Variants in SPRED2 observed in about 807,000 individuals in gnomAD.
The protein encoded by SPRED2 is sprouty-related, EVH1 domain-containing protein 2.
Under a neutral mutation model 43.0 loss-of-function variants are expected in SPRED2, and 47 were observed. The observed-to-expected ratio is 1.09, with a 90% CI of 0.87 to 1.40. The LOEUF (loss-of-function observed/expected upper bound fraction) is 1.40, where lower values mean the gene tolerates loss of function less well. Ranked by LOEUF, SPRED2 falls within the 40% of genes most tolerant of loss-of-function variation. SPRED2 has a pLI of 0.00. For missense variants in SPRED2, 561 were observed against 586.4 expected (o/e 0.96, Z 0.45); for synonymous variants, 225 against 225.7 (o/e 1.00, Z 0.03).
intron 1 of SPRED2, among the ~76,000 whole-genome samples, chr2:65,345,791 A>G (rs1674334862): frequency 6.6e-6 from 1 of 152,154 alleles, no homozygotes; most frequent in African/African-American, 2.4e-5. Flanking sequence ...TATTTCTTCC[A>G]GTCTAAAACC....
At chr2:65,430,575 C>G (rs551479634) in intron 1 of SPRED2, among the ~76,000 whole-genome samples, 1 of 152,354 alleles carries the variant, frequency 6.6e-6, no homozygotes, top group South Asian at 2.1e-4. Context: ...CCCTGAGTCA[C>G]TTCCCCTCCC....
chr2:65,370,074 C>T (rs1675087743), intron 1 of SPRED2, among the ~76,000 whole-genome samples: 1 of 152,212 alleles, frequency 6.6e-6, no homozygotes, highest in African/African-American at 2.4e-5. Flanking sequence ...GATGCAGGTA[C>T]TGTAGGCTGA....
At chr2:65,323,191 C>A (rs112692075) in intron 4 of SPRED2, among the ~76,000 whole-genome samples, 1 of 152,220 alleles carries the variant, frequency 6.6e-6, no homozygotes, top group East Asian at 1.9e-4. Context: ...GACAGGGTTT[C>A]GCCATGTTGG....
intron 4 of SPRED2, among the ~76,000 whole-genome samples, chr2:65,327,038 G>A (rs1425462104): frequency 6.6e-6 from 1 of 151,976 alleles, no homozygotes; most frequent in Non-Finnish European, 1.5e-5. Flanking sequence ...GTAGAGACAG[G>A]ACAGGGTCTC....
At chr2:65,356,719 C>T (rs1408579830) in intron 1 of SPRED2, among the ~76,000 whole-genome samples, 3 of 151,894 alleles carry the variant, frequency 2.0e-5, no homozygotes, top group Non-Finnish European at 2.9e-5. Context: ...TGGCCGGGCG[C>T]GGTGGTTCAT....
At chr2:65,344,096 C>A in intron 2 of SPRED2, 1 of 152,714 alleles carries the variant, frequency 6.5e-6, no homozygotes, top group Non-Finnish European at 1.4e-5. Context: ...AATATCATGC[C>A]ACTGCACTCC....
chr2:65,311,422 G>A lies in SPRED2; in HGVS notation c.*2079C>T. Reference sequence around the variant, plus strand: ...GAGAAACAGGTAACAACTAAATAGAGGTGACAAACAAAAAACAGCTGGGAT... The same window carrying A: ...GAGAAACAGGTAACAACTAAATAGAAGTGACAAACAAAAAACAGCTGGGAT... On this transcript the variant is annotated 3_prime_UTR_variant, in exon 6 of 6. Transcript: ENST00000356388. The A allele has an allele frequency of 1.0e-6, 1 of 985,762 alleles. No homozygotes were observed. Among genetic ancestry groups the A allele is most frequent in the Non-Finnish European group, 1.2e-6 (1 of 829,914 alleles). 61.1% of individuals were successfully genotyped at this position (985,762 alleles called of 1,614,324 possible).
chr2:65,345,259 G>GTTGT (rs757675092), intron 1 of SPRED2, among the ~76,000 whole-genome samples: 7 of 111,342 alleles, frequency 6.3e-5, no homozygotes, highest in African/African-American at 2.3e-4. Flanking sequence ...TTTAGTTGTT[G>GTTGT]TTTTTTTTTT....
intron 1 of SPRED2, among the ~76,000 whole-genome samples, chr2:65,404,303 T>C (rs1274646374): frequency 4.6e-5 from 7 of 152,174 alleles, no homozygotes; most frequent in Non-Finnish European, 8.8e-5. Flanking sequence ...GCAACCATGT[T>C]AAATAAAGGG....
intron 1 of SPRED2, among the ~76,000 whole-genome samples, chr2:65,372,894 T>G (rs948711456): frequency 6.6e-6 from 1 of 152,214 alleles, no homozygotes; most frequent in Non-Finnish European, 1.5e-5. Flanking sequence ...CTGAAGCTGC[T>G]CTGTAAAATT....
chr2:65,342,741 G>A (rs758357016), intron 2 of SPRED2, among the ~76,000 whole-genome samples: 27 of 152,184 alleles, frequency 1.8e-4, no homozygotes, highest in South Asian at 4.1e-4. Context: ...AATTTCATAT[G>A]AGAATGTTAG....
chr2:65,359,068 A>G (rs1466622879), intron 1 of SPRED2, among the ~76,000 whole-genome samples: 2 of 152,218 alleles, frequency 1.3e-5, no homozygotes, highest in Non-Finnish European at 2.9e-5. Context: ...TCCCAACTTA[A>G]GTGTTACTGG....
chr2:65,316,146 A>G (rs899758899), intron 5 of SPRED2, among the ~76,000 whole-genome samples: 2 of 152,256 alleles, frequency 1.3e-5, no homozygotes, highest in African/African-American at 4.8e-5. Context: ...GCACCAGTCC[A>G]TGCCCCATGA....
At chr2:65,368,282 C>T (rs1675036249) in intron 1 of SPRED2, among the ~76,000 whole-genome samples, 1 of 152,212 alleles carries the variant, frequency 6.6e-6, no homozygotes, top group Admixed American at 6.5e-5. Flanking sequence ...AAATTACAAC[C>T]TCACTAATCC....
At chr2:65,401,276 C>T (rs1476223661) in intron 1 of SPRED2, among the ~76,000 whole-genome samples, 1 of 151,882 alleles carries the variant, frequency 6.6e-6, no homozygotes, top group Non-Finnish European at 1.5e-5. Context: ...GCGCCCAGCC[C>T]CTTATTTCCA....
downstream of SPRED2, among the ~76,000 whole-genome samples, chr2:65,309,887 G>C (rs1393219200): frequency 6.6e-6 from 1 of 152,168 alleles, no homozygotes; most frequent in Non-Finnish European, 1.5e-5. Context: ...GGAAGGAACA[G>C]AGGCATCAGA....
chr2:65,322,317 G>A lies in SPRED2; in HGVS notation c.439-5434C>T, dbSNP rs1338938774. Among the ~76,000 whole-genome samples, 5 of 85,542 alleles carry A rather than the reference G, an allele frequency of 5.8e-5. No homozygotes were observed. The East Asian group carries it at 9.5e-4, about 16-fold the overall frequency. 56.1% of individuals were successfully genotyped at this position (85,542 alleles called of 152,430 possible). On this transcript the variant is annotated intron_variant, in intron 4 of 5. Coordinates refer to ENST00000356388, the MANE Select transcript of SPRED2 (RefSeq NM_181784.3). ...ATATTTTTTTTTTTTTTTTTGAGACGGAGTCTTGCTCCGTTGCCCAGGCTG... is the reference window on the plus strand; with the variant it reads ...ATATTTTTTTTTTTTTTTTTGAGACAGAGTCTTGCTCCGTTGCCCAGGCTG...
At chr2:65,364,028 C>T (rs1359688503) in intron 1 of SPRED2, among the ~76,000 whole-genome samples, 1 of 152,182 alleles carries the variant, frequency 6.6e-6, no homozygotes, top group Non-Finnish European at 1.5e-5. Context: ...GGTTATGTCA[C>T]TCTACTTGGC....
chr2:65,386,521 G>A (rs776549584), intron 1 of SPRED2, among the ~76,000 whole-genome samples: 1 of 152,124 alleles, frequency 6.6e-6, no homozygotes, highest in Non-Finnish European at 1.5e-5. Context: ...TGCATATTGT[G>A]TATCTCCCCC....
Sources: gnomAD v4.1 joint callset for allele counts (sites outside exome capture counted in the v4.1 genomes callset) on GRCh38, gnomAD v4.1.1 for gene constraint, MANE v1.5 for transcripts, NCBI Gene and HGNC (gene_info 2026-07-23, HGNC 2026-07-21) for gene names.